Variants in STS observed in about 807,000 individuals in gnomAD.
STS encodes steryl-sulfatase.
In STS, 7 loss-of-function variants were observed where a neutral mutation model predicts 26.8. The observed-to-expected ratio is 0.26, with a 90% confidence interval of 0.15 to 0.49. STS has a LOEUF of 0.49. Among genes scored for constraint, STS ranks in the 20% least tolerant of loss-of-function variants. STS has a pLI of 0.98. For missense variants in STS, 434 were observed against 465.6 expected (o/e 0.93, Z 0.63); for synonymous variants, 199 against 189.4 (o/e 1.05, Z -0.42).
chrX:7,204,472 C>A (rs1934146844), intron 2 of STS, among the ~76,000 whole-genome samples: 1 of 108,731 alleles, frequency 9.2e-6, no homozygotes, highest in South Asian at 4.0e-4. Flanking sequence ...GATTCCCCTT[C>A]TTTCCTTCCT....
rs1414960059 is a variant in STS at position 7,350,904 on chromosome X, C to G, written c.*643C>G. ...ATATATATAGTTATGCATACATACA[C>G]ACACACACATACAGTATATTCTTTC... is the stretch of plus-strand genomic sequence containing the variant. On this transcript the variant is annotated 3_prime_UTR_variant, in exon 11 of 11. Coordinates refer to ENST00000674429, the MANE Select transcript of STS (RefSeq NM_001320752.2). 8.9e-6 allele frequency: 1 copy of G among 112,631 alleles called. No individual in the cohort carries two copies. The highest frequency in any genetic ancestry group is 1.9e-5 in the Non-Finnish European group (1 of 53,699). 9.3% of individuals were successfully genotyped at this position (112,631 alleles called of 1,213,427 possible). A position where few individuals can be genotyped will look rare whatever the true frequency, so the allele number is the denominator to read the frequency against.
intron 2 of STS, among the ~76,000 whole-genome samples, chrX:7,222,254 A>G (rs1221749158): frequency 8.9e-6 from 1 of 112,160 alleles, no homozygotes; most frequent in Non-Finnish European, 1.9e-5. Context: ...CAAACAGACC[A>G]ATGCAAGAAC....
At chrX:7,198,438 G>GA (rs371153655) in intron 2 of STS, among the ~76,000 whole-genome samples, 6 of 111,244 alleles carry the variant, frequency 5.4e-5, no homozygotes, top group African/African-American at 1.6e-4. Context: ...AATAGTGACG[G>GA]TATCCCTAGG....
intron 9 of STS, among the ~76,000 whole-genome samples, chrX:7,333,520 A>G (rs1190313594): frequency 8.9e-6 from 1 of 112,281 alleles, no homozygotes. Context: ...CTCATGCAAT[A>G]TAGTATCTTT....
At chrX:7,158,978 A>G (rs1210780009) in intron 1 of STS, among the ~76,000 whole-genome samples, 3 of 111,754 alleles carry the variant, frequency 2.7e-5, no homozygotes, top group African/African-American at 9.8e-5. Flanking sequence ...CCAAATCCTT[A>G]GTTATTATTA....
At chrX:7,270,539 A>G (rs1193304656) in intron 6 of STS, among the ~76,000 whole-genome samples, 1 of 111,771 alleles carries the variant, frequency 8.9e-6, no homozygotes, top group Non-Finnish European at 1.9e-5. Flanking sequence ...TTGCAAGCCA[A>G]GTATGCTTTT....
Position 7,350,266 on chromosome X carries a change from G to A in STS, c.*5G>A, listed in dbSNP as rs769540715. ...GATAAGAGACTGAGCCGCTAGCAGCGCCTGGGGACCAGACAGACGCATGTG... is the reference window on the plus strand; with the variant it reads ...GATAAGAGACTGAGCCGCTAGCAGCACCTGGGGACCAGACAGACGCATGTG... On this transcript the variant is annotated 3_prime_UTR_variant, in exon 11 of 11. Coordinates refer to ENST00000674429, the MANE Select transcript of STS (RefSeq NM_001320752.2). The A allele has an allele frequency of 1.5e-5, 18 of 1,203,952 alleles. No individual in the cohort carries two copies. The highest frequency in any genetic ancestry group is 4.9e-4 in the Middle Eastern group (2 of 4,078).
At chrX:7,206,936 G>A (rs929811709) in intron 2 of STS, among the ~76,000 whole-genome samples, 3 of 112,332 alleles carry the variant, frequency 2.7e-5, no homozygotes, top group East Asian at 5.6e-4. Context: ...GGCTTGGGGG[G>A]CAATGGCTCA....
At chrX:7,177,898 C>G (rs775831340) in intron 1 of STS, among the ~76,000 whole-genome samples, 2 of 110,808 alleles carry the variant, frequency 1.8e-5, no homozygotes, top group Non-Finnish European at 3.8e-5. Flanking sequence ...CTCTTGGGCT[C>G]AAGTGATTCT....
chrX:7,148,158 G>GCGCACCCGCCCGCCCCGCGCA, intron 1 of STS, 75 bp downstream of exon 1: 2 of 958,315 alleles, frequency 2.1e-6, no homozygotes, highest in South Asian at 2.3e-5. Context: ...GGAAGTGCGC[G>GCGCACCCGCCCGCCCCGCGCA]CGCACCCGCC....
chrX:7,242,460 C>A (rs1922668202), intron 2 of STS, among the ~76,000 whole-genome samples: 1 of 108,273 alleles, frequency 9.2e-6, no homozygotes, highest in Non-Finnish European at 1.9e-5. Context: ...ATTAGCTGGT[C>A]ATGGTGGTGT....
At chrX:7,246,558 G>C (rs769722078) in intron 2 of STS, among the ~76,000 whole-genome samples, 2 of 110,949 alleles carry the variant, frequency 1.8e-5, no homozygotes, top group East Asian at 5.7e-4. Flanking sequence ...CGCCCGCCTC[G>C]GCCTCCCAAA....
chrX:7,291,119 CTT>C (rs1467799499), intron 7 of STS, among the ~76,000 whole-genome samples: 8 of 111,457 alleles, frequency 7.2e-5, no homozygotes, highest in African/African-American at 2.3e-4. Context: ...ATTTCCATAA[CTT>C]TGTCATCTGA....
chrX:7,295,952 T>C (rs780665482), intron 7 of STS, among the ~76,000 whole-genome samples: 3 of 111,646 alleles, frequency 2.7e-5, no homozygotes, highest in Non-Finnish European at 5.6e-5. Context: ...ATCTTCAGCT[T>C]TAGAGATGGT....
At chrX:7,271,359 T>G (rs1210534704) in intron 6 of STS, among the ~76,000 whole-genome samples, 1 of 110,917 alleles carries the variant, frequency 9.0e-6, no homozygotes, top group Non-Finnish European at 1.9e-5. Flanking sequence ...ACAATCTGCT[T>G]CTGGGGAAGG....
intron 2 of STS, among the ~76,000 whole-genome samples, chrX:7,203,283 C>G (rs1934107678): frequency 8.9e-6 from 1 of 112,162 alleles, no homozygotes; most frequent in South Asian, 3.7e-4. Flanking sequence ...GTTCATTTCT[C>G]TGCAACAGGT....
chrX:7,245,998 T>G (rs1922850769), intron 2 of STS, among the ~76,000 whole-genome samples: 1 of 112,468 alleles, frequency 8.9e-6, no homozygotes, highest in Non-Finnish European at 1.9e-5. Flanking sequence ...TATAGATATA[T>G]TTGCTCATAT....
intron 2 of STS, among the ~76,000 whole-genome samples, chrX:7,228,438 T>G (rs1351767949): frequency 8.9e-6 from 1 of 112,023 alleles, no homozygotes; most frequent in African/African-American, 3.2e-5. Flanking sequence ...TGGAGTGATC[T>G]CTCATTGTGT....
At chrX:7,157,185 G>T (rs1390365441) in intron 1 of STS, among the ~76,000 whole-genome samples, 3 of 111,852 alleles carry the variant, frequency 2.7e-5, no homozygotes, top group Non-Finnish European at 5.6e-5. Flanking sequence ...CATCCCACTT[G>T]CCCAATTTGC....
Sources: allele counts gnomAD v4.1 joint callset (sites outside exome capture counted in the v4.1 genomes callset), GRCh38; gene constraint gnomAD v4.1.1; transcripts MANE v1.5; gene names NCBI Gene and HGNC (gene_info 2026-07-23, HGNC 2026-07-21).